The following FUT9 variants were observed in gnomAD, a reference collection of about 807,000 sequenced individuals.
The protein encoded by FUT9 is 4-galactosyl-N-acetylglucosaminide 3-alpha-L-fucosyltransferase 9.
FUT9 carries 15 observed loss-of-function variants against 29.7 expected under a neutral mutation model. The observed-to-expected ratio is 0.51, with a 90% CI of 0.34 to 0.78. FUT9 has a LOEUF of 0.78. FUT9 is among the 30% of genes least tolerant of loss of function. FUT9 has a pLI of 0.01. For synonymous variants in FUT9, 169 were observed against 153.7 expected, an observed-to-expected ratio of 1.10 and a Z score of -0.74; for missense variants, 319 against 425.4, an observed-to-expected ratio of 0.75 and a Z score of 2.20.
intron 1 of FUT9, among the ~76,000 whole-genome samples, chr6:96,071,177 A>T (rs1427757420): frequency 6.6e-6 from 1 of 152,226 alleles, no homozygotes; most frequent in Non-Finnish European, 1.5e-5. Context: ...TTTTAGAATT[A>T]GGATGGAATT....
chr6:96,044,227 A>G (rs1770519292), intron 1 of FUT9, among the ~76,000 whole-genome samples: 1 of 152,178 alleles, frequency 6.6e-6, no homozygotes, highest in Non-Finnish European at 1.5e-5. Flanking sequence ...TTGCCTCTAA[A>G]TTGAAAGAGT....
At chr6:96,152,640 G>T (rs987726247) in intron 2 of FUT9, among the ~76,000 whole-genome samples, 2 of 151,972 alleles carry the variant, frequency 1.3e-5, no homozygotes, top group Non-Finnish European at 2.9e-5. Context: ...TAAGATAAAG[G>T]GACTGCATTA....
chr6:96,091,884 A>G (rs1298373391), intron 1 of FUT9, among the ~76,000 whole-genome samples: 2 of 152,122 alleles, frequency 1.3e-5, no homozygotes, highest in African/African-American at 4.8e-5. Context: ...TGAGCGAGAA[A>G]ATATTTTCAG....
At chr6:96,020,900 T>C (rs1023729878) in intron 1 of FUT9, 1 of 152,070 alleles carries the variant, frequency 6.6e-6, no homozygotes, top group Non-Finnish European at 1.5e-5. Context: ...CATAGTTTCT[T>C]TGGAGTGCAA....
chr6:96,173,224 T>C (rs1230084472), intron 2 of FUT9, among the ~76,000 whole-genome samples: 1 of 152,184 alleles, frequency 6.6e-6, no homozygotes, highest in East Asian at 1.9e-4. Context: ...AATGCCTGTG[T>C]CATCTTACTT....
intron 2 of FUT9, among the ~76,000 whole-genome samples, chr6:96,141,117 A>G (rs1368280087): frequency 1.3e-5 from 2 of 152,194 alleles, no homozygotes; most frequent in Admixed American, 6.5e-5. Flanking sequence ...TCTCAAAGGC[A>G]TTATGTTTGT....
intron 1 of FUT9, among the ~76,000 whole-genome samples, chr6:96,078,597 T>C (rs888798114): frequency 6.6e-6 from 1 of 151,584 alleles, no homozygotes; most frequent in Non-Finnish European, 1.5e-5. Flanking sequence ...ATTTTCTGTA[T>C]TTTTAGTAGA....
rs1773913016 is a variant in FUT9, at chr6:96,210,300, T to C, written c.*6065T>C. ...TACCTAATTATTTCACACAAGAGCG[T>C]GGAACTCACCAGTCTTGTGACTTGG... On this transcript the variant is annotated 3_prime_UTR_variant, in exon 3 of 3. Coordinates refer to ENST00000302103, the MANE Select transcript of FUT9 (RefSeq NM_006581.4). The C allele has an allele frequency of 6.0e-6, 1 of 166,924 alleles. No individual in the cohort carries two copies. Among genetic ancestry groups the C allele is most frequent in the South Asian group, 2.1e-4 (1 of 4,828 alleles). 10.3% of individuals were successfully genotyped at this position (166,924 alleles called of 1,614,324 possible).
chr6:96,037,425 TAATG>T (rs1446277614), intron 1 of FUT9: 1 of 152,074 alleles, frequency 6.6e-6, no homozygotes, highest in Non-Finnish European at 1.5e-5. Context: ...ATAAATTTAA[TAATG>T]AAAGAACAAA....
chr6:96,041,200 G>A (rs766487295), intron 1 of FUT9, among the ~76,000 whole-genome samples: 8 of 151,460 alleles, frequency 5.3e-5, no homozygotes, highest in African/African-American at 1.2e-4. Flanking sequence ...TGAGGACAGG[G>A]TTTATGTGTC....
At position 96,209,701 on chromosome 6, in the gene FUT9, GCATTTGATTTAC is replaced by G. The variant is rs1773898517; in HGVS notation, c.*5467_*5478del. ...TAGCTCATAGTTAACATATGTCCAT[GCATTTGATTTAC>G]TTTAAAAATATTTTATTTAAAAATA... On this transcript the variant is annotated 3_prime_UTR_variant, in exon 3 of 3. Transcript: ENST00000302103. The G allele has an allele frequency of 6.0e-6, 1 of 166,672 alleles. No individual in the cohort carries two copies. Among genetic ancestry groups the G allele is most frequent in the South Asian group, 2.1e-4 (1 of 4,822 alleles). 10.3% of individuals were successfully genotyped at this position (166,672 alleles called of 1,614,324 possible).
chr6:96,033,471 A>C (rs751225444), intron 1 of FUT9, among the ~76,000 whole-genome samples: 2 of 151,642 alleles, frequency 1.3e-5, no homozygotes, highest in Non-Finnish European at 3.0e-5. Flanking sequence ...ATAAAGGGAA[A>C]TGACTCCACA....
At chr6:96,043,370 G>A (rs1168749471) in intron 1 of FUT9, among the ~76,000 whole-genome samples, 2 of 152,168 alleles carry the variant, frequency 1.3e-5, no homozygotes, top group African/African-American at 2.4e-5. Context: ...TATTCTAAGG[G>A]TATAACTGTT....
intron 1 of FUT9, among the ~76,000 whole-genome samples, chr6:96,062,534 G>GT (rs899083734): frequency 2.6e-5 from 4 of 151,920 alleles, no homozygotes; most frequent in Admixed American, 6.5e-5. Context: ...CTAATATTAT[G>GT]TTTTTTTCCC....
intron 2 of FUT9, among the ~76,000 whole-genome samples, chr6:96,171,671 C>A (rs1244673937): frequency 2.0e-5 from 3 of 152,120 alleles, no homozygotes; most frequent in Non-Finnish European, 4.4e-5. Context: ...ATAGTGATAT[C>A]TTTAACCTAA....
chr6:96,126,109 C>T (rs528765043), intron 2 of FUT9, among the ~76,000 whole-genome samples: 8 of 152,148 alleles, frequency 5.3e-5, no homozygotes, highest in African/African-American at 1.9e-4. Context: ...GGTTAAAACT[C>T]GTCCACAGCC....
rs1452841072 is a variant in FUT9, at chr6:96,188,939, T to C, written c.-8-14209T>C. Among the ~76,000 whole-genome samples, 94 of 152,118 alleles carry C rather than the reference T, an allele frequency of 6.2e-4. 1 individual carries two copies. The highest frequency in any genetic ancestry group is 6.2e-3 in the Admixed American group (94 of 15,216). ...GAGTAAAAACGCCCAATCTTTGCCTTATGAGCCTGGTTACAATTGAACAGA... is the reference window on the plus strand; with the variant it reads ...GAGTAAAAACGCCCAATCTTTGCCTCATGAGCCTGGTTACAATTGAACAGA... On this transcript the variant is annotated intron_variant, in intron 2 of 2. Coordinates refer to ENST00000302103, the MANE Select transcript of FUT9 (RefSeq NM_006581.4).
chr6:96,192,566 T>C lies in FUT9; in HGVS notation c.-8-10582T>C, dbSNP rs1219144646. Among the ~76,000 whole-genome samples, 5 of 152,088 alleles carry C rather than the reference T, an allele frequency of 3.3e-5. No homozygotes were observed. The East Asian group carries it at 9.6e-4, about 29-fold the overall frequency. On this transcript the variant is annotated intron_variant, in intron 2 of 2. Coordinates refer to ENST00000302103, the MANE Select transcript of FUT9 (RefSeq NM_006581.4). ...CGAAATAAAAGAGGACACAAACAAA[T>C]GGAAGAACATTCGATGCTCATGGAC...
intron 1 of FUT9, among the ~76,000 whole-genome samples, chr6:96,110,795 A>G (rs1771789920): frequency 1.9e-5 from 1 of 52,656 alleles, no homozygotes; most frequent in Non-Finnish European, 4.7e-5. Flanking sequence ...AGCTGGGACT[A>G]CAGGTATGCA....
Sources: allele counts gnomAD v4.1 joint callset (sites outside exome capture counted in the v4.1 genomes callset), GRCh38; gene constraint gnomAD v4.1.1; transcripts MANE v1.5; gene names NCBI Gene and HGNC (gene_info 2026-07-23, HGNC 2026-07-21).